ANKRD28: variants seen among roughly 807,000 people sequenced by gnomAD.
ANKRD28 encodes the protein ankyrin repeat domain 28.
Under a neutral mutation model 126.5 loss-of-function variants are expected in ANKRD28, and 44 were observed. The ratio of observed to expected loss-of-function variants is 0.35; its 90% CI spans 0.27 to 0.45. The LOEUF (loss-of-function observed/expected upper bound fraction) is 0.45. ANKRD28 is among the 20% of genes least tolerant of loss of function. The pLI, the probability that ANKRD28 is intolerant of heterozygous loss-of-function variation, is 1.00. For synonymous variants in ANKRD28, 442 were observed against 468.5 expected, an observed-to-expected ratio of 0.94 and a Z score of 0.73; for missense variants, 1,110 against 1,316.6, an observed-to-expected ratio of 0.84 and a Z score of 2.43.
rs752866830 is a variant in ANKRD28 at position 15,684,963 on chromosome 3, A to AAAAAG, written c.2389+258_2389+262dup. The stretch of plus-strand genomic sequence containing the variant: ...ACATAGCAAGATCCTACCAAAACTA[A>AAAAAG]AAAAGAAAAGAAAAGAAAAGAAAAA... On this transcript the variant is annotated intron_variant, in intron 21 of 27. Transcript: ENST00000683139. 67 of 421,446 alleles carry AAAAAG rather than the reference A, an allele frequency of 1.6e-4. 1 individual carries two copies. Among genetic ancestry groups the AAAAAG allele is most frequent in the African/African-American group, 3.6e-4 (18 of 49,590 alleles). 26.1% of individuals were successfully genotyped at this position (421,446 alleles called of 1,614,324 possible).
intron 4 of ANKRD28, 105 bp from the exon 5 acceptor site, chr3:15,737,338 A>T: frequency 1.0e-6 from 1 of 973,856 alleles, no homozygotes; most frequent in Non-Finnish European, 1.5e-6. Context: ...CTACATATGA[A>T]GAAAATAAAA....
At chr3:15,801,615 A>AG (rs2060467910), upstream of ANKRD28, among the ~76,000 whole-genome samples, 1 of 152,178 alleles carries the variant, frequency 6.6e-6, no homozygotes, top group South Asian at 2.1e-4. This position sits in a 1 kb window ranked among gnomAD's most constrained non-coding sequence, Gnocchi z 4.9. Flanking sequence ...CATATACTTT[A>AG]GGAAAAAAAA....
At chr3:15,787,565 T>C (rs749714795) in intron 2 of ANKRD28, among the ~76,000 whole-genome samples, 2 of 151,972 alleles carry the variant, frequency 1.3e-5, no homozygotes, top group Admixed American at 1.3e-4. Flanking sequence ...GGATGGAGGG[T>C]TGTGGGCTCC....
chr3:15,691,557 T>C (rs886498686), intron 17 of ANKRD28, among the ~76,000 whole-genome samples: 3 of 152,182 alleles, frequency 2.0e-5, no homozygotes, highest in Admixed American at 6.5e-5. Flanking sequence ...TAAATAAACT[T>C]CAAAGGACTA....
intron 6 of ANKRD28, among the ~76,000 whole-genome samples, chr3:15,730,430 C>T (rs757459782): frequency 6.6e-6 from 1 of 152,108 alleles, no homozygotes; most frequent in African/African-American, 2.4e-5. Flanking sequence ...AGGAAATTAA[C>T]GGAGCCTCAA....
chr3:15,818,852 C>G (rs1317847895), intron 1 of ANKRD28, among the ~76,000 whole-genome samples: 1 of 152,096 alleles, frequency 6.6e-6, no homozygotes, highest in Non-Finnish European at 1.5e-5. Flanking sequence ...AAAGTAATCA[C>G]AGTCAAAATC....
At chr3:15,778,656 C>T (rs1314522790) in intron 2 of ANKRD28, among the ~76,000 whole-genome samples, 1 of 152,126 alleles carries the variant, frequency 6.6e-6, no homozygotes, top group African/African-American at 2.4e-5. Flanking sequence ...TAACTCTAGA[C>T]CCAGATTTAG....
rs188908140 is a variant in ANKRD28 at position 15,676,891 on chromosome 3, A to G, written c.2873+83T>C. On this transcript the variant is annotated intron_variant, in intron 26 of 27. Transcript: ENST00000683139. ...TCTATGACTAATGAAACCTATTCCA[A>G]TAGTCACATGTTTAAAAAAATCCAT... 3,735 of 1,134,302 alleles carry G rather than the reference A, an allele frequency of 3.3e-3. 6 individuals carry two copies. The highest frequency in any genetic ancestry group is 4.1e-3 in the Non-Finnish European group (3,122 of 768,640). The allele number at this position is 1,134,302 out of a possible 1,614,324, so 70.3% of individuals were successfully genotyped here.
chr3:15,855,942 G>T (rs192239684), intron 1 of ANKRD28, among the ~76,000 whole-genome samples: 13 of 152,254 alleles, frequency 8.5e-5, no homozygotes, highest in Non-Finnish European at 1.9e-4. Flanking sequence ...GGGCTTTATC[G>T]CAATTTTTAA....
At chr3:15,752,071 G>A (rs1465412388) in intron 3 of ANKRD28, among the ~76,000 whole-genome samples, 1 of 151,848 alleles carries the variant, frequency 6.6e-6, no homozygotes, top group Admixed American at 6.6e-5. Context: ...TTATATATAG[G>A]TTAGAAAAGC....
rs573803838 is a variant in ANKRD28 at position 15,822,130 on chromosome 3, A to T, written c.28-26824T>A. Among the ~76,000 whole-genome samples the T allele has an allele frequency of 3.7e-4, 57 of 152,312 alleles. 1 individual carries two copies. The South Asian group carries it at 0.012, about 31-fold the overall frequency. On this transcript the variant is annotated intron_variant, in intron 1 of 27. Transcript: ENST00000399451. ...AGGACTGGCCATATGCTCAGAGAAG[A>T]CTCATGAAGACCCTAAACTTTCACC...
chr3:15,847,772 A>G lies in ANKRD28; in HGVS notation c.27+11605T>C, dbSNP rs190135848. Among the ~76,000 whole-genome samples the G allele has an allele frequency of 2.9e-3, 439 of 152,364 alleles. 1 individual carries two copies. Among genetic ancestry groups the G allele is most frequent in the African/African-American group, 9.9e-3 (412 of 41,578 alleles). Reference sequence around the variant, plus strand: ...TTTCAAATGGATAACACTTACTACCAGTTCCACCTGCCTCCAGCTTCACCT... The same window carrying G: ...TTTCAAATGGATAACACTTACTACCGGTTCCACCTGCCTCCAGCTTCACCT... On this transcript the variant is annotated intron_variant, in intron 1 of 27. Coordinates refer to the ANKRD28 transcript ENST00000399451.
upstream of ANKRD28, among the ~76,000 whole-genome samples, chr3:15,798,597 C>T (rs1157223643): frequency 6.6e-6 from 1 of 152,020 alleles, no homozygotes; most frequent in Admixed American, 6.6e-5. Flanking sequence ...ATCCTACCTT[C>T]CCATTTGGAT....
intron 1 of ANKRD28, among the ~76,000 whole-genome samples, chr3:15,807,046 C>T (rs1394737179): frequency 6.6e-6 from 1 of 152,186 alleles, no homozygotes; most frequent in Non-Finnish European, 1.5e-5. Flanking sequence ...TCATATATGA[C>T]CTACGCTCCT....
At chr3:15,806,473 C>G (rs944346538) in intron 1 of ANKRD28, among the ~76,000 whole-genome samples, 5 of 152,008 alleles carry the variant, frequency 3.3e-5, no homozygotes, top group Non-Finnish European at 5.9e-5. Context: ...ATCATTACCT[C>G]TTAGAAGGCA....
chr3:15,789,935 A>T (rs1366264673), intron 2 of ANKRD28, among the ~76,000 whole-genome samples: 2 of 152,106 alleles, frequency 1.3e-5, no homozygotes, highest in Non-Finnish European at 2.9e-5. Context: ...GAGACATTAC[A>T]ACTTACACAG....
At chr3:15,828,550 T>C (rs2061119385) in intron 1 of ANKRD28, among the ~76,000 whole-genome samples, 1 of 151,776 alleles carries the variant, frequency 6.6e-6, no homozygotes, top group Admixed American at 6.6e-5. Flanking sequence ...TTTGAGACCC[T>C]TTGTATTTTC....
chr3:15,735,848 C>T (rs1454591790), intron 5 of ANKRD28, among the ~76,000 whole-genome samples: 1 of 152,148 alleles, frequency 6.6e-6, no homozygotes, highest in East Asian at 1.9e-4. Context: ...CATTCTCATT[C>T]TAGAAATGTC....
upstream of ANKRD28, among the ~76,000 whole-genome samples, chr3:15,799,266 C>T (rs935421032): frequency 3.3e-5 from 5 of 150,974 alleles, no homozygotes; most frequent in African/African-American, 9.7e-5. Context: ...TATTCTAAAA[C>T]GAGTTATTTT....
Sources: gnomAD v4.1 joint callset for allele counts (sites outside exome capture counted in the v4.1 genomes callset) on GRCh38, gnomAD v4.1.1 for gene constraint, Gnocchi (gnomAD v3.1) non-coding constraint, MANE v1.5 for transcripts, NCBI Gene and HGNC (gene_info 2026-07-23, HGNC 2026-07-21) for gene names.